Variants in LPAR6 observed in about 807,000 individuals in gnomAD.
LPAR6 encodes G-protein coupled purinergic receptor P2Y5.
LPAR6 carries 17 observed loss-of-function variants against 22.0 expected under a neutral mutation model. The ratio of observed to expected loss-of-function variants is 0.77; its 90% CI spans 0.53 to 1.16. The LOEUF (loss-of-function observed/expected upper bound fraction) is 1.16, where lower values mean the gene tolerates loss of function less well. LPAR6 is among the 50% of genes most tolerant of loss of function. The pLI is 0.00. For synonymous variants in LPAR6, 136 were observed against 139.8 expected (o/e 0.97, Z 0.19); for missense variants, 384 against 406.9 (o/e 0.94, Z 0.48).
At chr13:48,415,272 CT>C (rs1948888907), upstream of LPAR6, among the ~76,000 whole-genome samples, 1 of 151,322 alleles carries the variant, frequency 6.6e-6, no homozygotes, top group South Asian at 2.1e-4. Context: ...TTTTTCTTTT[CT>C]TTTCTTTTTC....
At chr13:48,398,092 A>G (rs1948662585) in intron 1 of LPAR6, among the ~76,000 whole-genome samples, 1 of 152,218 alleles carries the variant, frequency 6.6e-6, no homozygotes, top group African/African-American at 2.4e-5. Context: ...GTATGATGCC[A>G]TATATACTTT....
At position 48,404,679 on chromosome 13, in the gene LPAR6, A is replaced by G. The variant is rs77704300; in HGVS notation, n.114+11021T>C. ...GTAGCTGGGATTACAGGCACGAGAC[A>G]ACGCGCCCAGATAATTTTTGTATTT... On this transcript the variant is annotated intron_variant and non_coding_transcript_variant, in intron 1 of 1. Coordinates refer to the LPAR6 transcript ENST00000462781. 3.2e-4 allele frequency among the ~76,000 whole-genome samples: 48 copies of G among 152,184 alleles called. No individual in the cohort carries two copies. In the East Asian group the frequency reaches 9.3e-3, roughly 30 times the overall value.
intron 1 of LPAR6, among the ~76,000 whole-genome samples, chr13:48,423,006 T>G (rs911605457): frequency 6.6e-6 from 1 of 152,122 alleles, no homozygotes; most frequent in Admixed American, 6.6e-5. Flanking sequence ...GGTGGGCACC[T>G]GTAGTCCTGG....
rs775078916 is a variant in LPAR6, at chr13:48,401,573, ACT to A, written n.115-11763_115-11762del. ...CAACTATTTATAGCATGTTTTAAAAACTCTGAACTGTCACGACCCAGTCTGTT... is the reference window on the plus strand; with the variant it reads ...CAACTATTTATAGCATGTTTTAAAAACTGAACTGTCACGACCCAGTCTGTT... On this transcript the variant is annotated intron_variant and non_coding_transcript_variant, in intron 1 of 1. Coordinates refer to the LPAR6 transcript ENST00000462781. 5.3e-5 allele frequency among the ~76,000 whole-genome samples: 8 copies of A among 151,960 alleles called. No individual in the cohort carries two copies. In the East Asian group the frequency reaches 1.2e-3, roughly 22 times the overall value.
chr13:48,419,126 A>G (rs112083806), intron 2 of LPAR6, among the ~76,000 whole-genome samples: 1 of 152,156 alleles, frequency 6.6e-6, no homozygotes, highest in African/African-American at 2.4e-5. Context: ...AAAACTAACC[A>G]CATGATTGGG....
At chr13:48,420,115 G>A (rs1203121606) in intron 2 of LPAR6, among the ~76,000 whole-genome samples, 1 of 152,198 alleles carries the variant, frequency 6.6e-6, no homozygotes, top group Admixed American at 6.5e-5. Flanking sequence ...TATCCTTGAT[G>A]AATATCGACG....
chr13:48,420,827 C>T (rs1948994378), intron 2 of LPAR6, among the ~76,000 whole-genome samples: 1 of 152,110 alleles, frequency 6.6e-6, no homozygotes. Flanking sequence ...ATACAACACA[C>T]AAGGGATGTG....
intron 1 of LPAR6, among the ~76,000 whole-genome samples, chr13:48,432,842 CAG>C (rs1949144307): frequency 1.3e-5 from 2 of 151,884 alleles, no homozygotes; most frequent in Non-Finnish European, 2.9e-5. Context: ...TTATAAGAGA[CAG>C]AATAAAATTA....
chr13:48,403,858 A>T (rs1196037861), intron 1 of LPAR6, among the ~76,000 whole-genome samples: 1 of 152,068 alleles, frequency 6.6e-6, no homozygotes, highest in African/African-American at 2.4e-5. Flanking sequence ...AGCCTATGAG[A>T]ATAAAAAAAA....
downstream of LPAR6, among the ~76,000 whole-genome samples, chr13:48,408,459 C>T (rs868558927): frequency 4.6e-5 from 7 of 151,982 alleles, no homozygotes; most frequent in Middle Eastern, 6.8e-3. Flanking sequence ...AATCATCTAC[C>T]GTTTTATGAA....
At chr13:48,409,706 G>A (rs1487716874), downstream of LPAR6, among the ~76,000 whole-genome samples, 3 of 149,170 alleles carry the variant, frequency 2.0e-5, no homozygotes, top group Non-Finnish European at 3.0e-5. Flanking sequence ...TCTGCCTCCC[G>A]AGTAGCTGGG....
intron 1 of LPAR6, among the ~76,000 whole-genome samples, chr13:48,443,231 G>A (rs1051991144): frequency 2.0e-5 from 3 of 151,316 alleles, no homozygotes; most frequent in Non-Finnish European, 4.4e-5. Flanking sequence ...CTATTTTTTA[G>A]CTAAGAAAAA....
intron 1 of LPAR6, among the ~76,000 whole-genome samples, chr13:48,440,192 C>G (rs964384348): frequency 6.6e-6 from 1 of 152,044 alleles, no homozygotes; most frequent in Non-Finnish European, 1.5e-5. Flanking sequence ...TATATGCTGC[C>G]TCCCAAATAA....
chr13:48,422,365 C>A (rs537568912), intron 2 of LPAR6, among the ~76,000 whole-genome samples: 1 of 151,906 alleles, frequency 6.6e-6, no homozygotes, highest in Admixed American at 6.6e-5. Context: ...CGGGGCCTGT[C>A]GGGGTTGGGG....
intron 1 of LPAR6, among the ~76,000 whole-genome samples, chr13:48,443,949 A>C (rs1192004901): frequency 6.6e-6 from 1 of 152,140 alleles, no homozygotes; most frequent in Admixed American, 6.5e-5. Flanking sequence ...TCATACCACC[A>C]CAACAGTTGT....
At chr13:48,415,318 C>T (rs1220769201), upstream of LPAR6, among the ~76,000 whole-genome samples, 1 of 151,038 alleles carries the variant, frequency 6.6e-6, no homozygotes, top group Non-Finnish European at 1.5e-5. Flanking sequence ...CTCACTCTGC[C>T]GCCCAGGCTG....
chr13:48,431,968 A>G (rs555572638), intron 1 of LPAR6, among the ~76,000 whole-genome samples: 11 of 152,150 alleles, frequency 7.2e-5, no homozygotes, highest in Admixed American at 1.3e-4. Flanking sequence ...GGAATATAGC[A>G]GTGAATAAAA....
At chr13:48,410,077 G>A (rs560770776), downstream of LPAR6, among the ~76,000 whole-genome samples, 8 of 152,036 alleles carry the variant, frequency 5.3e-5, no homozygotes, top group South Asian at 4.2e-4. Context: ...TCATTTTGAC[G>A]TACAATAACA....
At chr13:48,430,427 A>G (rs1049110486), upstream of LPAR6, among the ~76,000 whole-genome samples, 1 of 152,216 alleles carries the variant, frequency 6.6e-6, no homozygotes, top group Non-Finnish European at 1.5e-5. Context: ...AGTTCTGGAA[A>G]AAAATGAGCA....
Sources: allele counts gnomAD v4.1 joint callset (sites outside exome capture counted in the v4.1 genomes callset), GRCh38; gene constraint gnomAD v4.1.1; transcripts MANE v1.5; gene names NCBI Gene and HGNC (gene_info 2026-07-23, HGNC 2026-07-21).